Variants in ENPP6 observed in about 807,000 individuals in gnomAD.
ENPP6 encodes the protein glycerophosphocholine cholinephosphodiesterase ENPP6.
A neutral mutation model predicts 42.0 loss-of-function variants in ENPP6; 32 were observed. That is an observed-to-expected ratio of 0.76 (90% CI 0.58 to 1.02). The LOEUF (loss-of-function observed/expected upper bound fraction) is 1.02. Ranked by LOEUF, ENPP6 falls within the 50% of genes least tolerant of loss-of-function variation. The probability of loss-of-function intolerance (pLI) is 0.00; values close to 1 mark genes in which losing one functional copy is unlikely to be tolerated. For missense variants in ENPP6, 552 were observed against 566.8 expected, an observed-to-expected ratio of 0.97 and a Z score of 0.27; for synonymous variants, 213 against 216.0, an observed-to-expected ratio of 0.99 and a Z score of 0.12.
At chr4:184,210,403 A>C (rs1440489851) in intron 1 of ENPP6, among the ~76,000 whole-genome samples, 4 of 107,750 alleles carry the variant, frequency 3.7e-5, no homozygotes, top group African/African-American at 1.1e-4. Flanking sequence ...TCTACCAAGC[A>C]AATGGAAAAC....
At chr4:184,178,575 C>G (rs1383984584) in intron 1 of ENPP6, among the ~76,000 whole-genome samples, 1 of 152,160 alleles carries the variant, frequency 6.6e-6, no homozygotes, top group East Asian at 1.9e-4. Flanking sequence ...ACATAATCAT[C>G]AGATTCTTCA....
intron 2 of ENPP6, among the ~76,000 whole-genome samples, chr4:184,144,881 T>C (rs764139721): frequency 1.3e-4 from 20 of 152,254 alleles, no homozygotes; most frequent in Non-Finnish European, 2.1e-4. Flanking sequence ...CGTTCCTTTA[T>C]GTAAGGCACT....
At chr4:184,106,788 A>G (rs1736105046) in intron 6 of ENPP6, among the ~76,000 whole-genome samples, 1 of 151,778 alleles carries the variant, frequency 6.6e-6, no homozygotes, top group Non-Finnish European at 1.5e-5. Flanking sequence ...GGGGGCAAGG[A>G]CTCCCAGTGG....
At chr4:184,129,077 T>A (rs1334802115) in intron 2 of ENPP6, among the ~76,000 whole-genome samples, 1 of 152,224 alleles carries the variant, frequency 6.6e-6, no homozygotes, top group South Asian at 2.1e-4. Context: ...GGGATGCATT[T>A]TCATTTAGGT....
intron 1 of ENPP6, among the ~76,000 whole-genome samples, chr4:184,173,925 A>C (rs541372527): frequency 1.3e-5 from 2 of 152,276 alleles, no homozygotes; most frequent in African/African-American, 4.8e-5. Flanking sequence ...TGGGAGATCC[A>C]TCCCGGGGGG....
chr4:184,215,453 A>G (rs73009802), intron 1 of ENPP6, among the ~76,000 whole-genome samples: 1,708 of 152,278 alleles, frequency 0.011, 30 homozygotes, highest in African/African-American at 0.039. Context: ...GGTATTGGGG[A>G]AAATAGTCTA....
chr4:184,130,060 C>T (rs182958412), intron 2 of ENPP6, among the ~76,000 whole-genome samples: 1 of 152,288 alleles, frequency 6.6e-6, no homozygotes, highest in East Asian at 1.9e-4. Context: ...TTAGAAGTGG[C>T]ATTGAGATTG....
intron 1 of ENPP6, among the ~76,000 whole-genome samples, chr4:184,191,664 C>T (rs1732714043): frequency 6.6e-6 from 1 of 152,214 alleles, no homozygotes; most frequent in Non-Finnish European, 1.5e-5. Flanking sequence ...CTGTACATAA[C>T]TCCTAACGTG....
intron 2 of ENPP6, among the ~76,000 whole-genome samples, chr4:184,142,815 C>T (rs961183500): frequency 8.5e-5 from 13 of 152,200 alleles, no homozygotes; most frequent in South Asian, 4.1e-4. Flanking sequence ...GGCCAAAGGC[C>T]GCGCTTTCAT....
At chr4:184,196,291 C>G (rs1248888969) in intron 1 of ENPP6, among the ~76,000 whole-genome samples, 1 of 152,246 alleles carries the variant, frequency 6.6e-6, no homozygotes. Flanking sequence ...CCTGTTCTAT[C>G]CTGTACGACG....
intron 1 of ENPP6, among the ~76,000 whole-genome samples, chr4:184,215,039 T>C (rs370142631): frequency 5.6e-4 from 86 of 152,330 alleles, no homozygotes; most frequent in African/African-American, 2.0e-3. Context: ...TAGTTCTATG[T>C]CTGCATCCAG....
At chr4:184,134,308 A>C (rs10026323) in intron 2 of ENPP6, among the ~76,000 whole-genome samples, 1 of 152,124 alleles carries the variant, frequency 6.6e-6, no homozygotes, top group Non-Finnish European at 1.5e-5. Flanking sequence ...CTCTGGAAGA[A>C]TTTCTGTAAG....
intron 3 of ENPP6, among the ~76,000 whole-genome samples, chr4:184,118,627 T>C (rs567698236): frequency 6.6e-6 from 1 of 152,364 alleles, no homozygotes; most frequent in East Asian, 1.9e-4. Context: ...TGACATTTCA[T>C]TGACTCATTA....
chr4:184,173,706 T>A (rs568317149), intron 1 of ENPP6, among the ~76,000 whole-genome samples: 2 of 152,290 alleles, frequency 1.3e-5, no homozygotes, highest in South Asian at 2.1e-4. Context: ...GTTGAAAGGG[T>A]CTTAGAGATA....
chr4:184,090,569 T>G lies in ENPP6; in HGVS notation c.*608A>C. The stretch of plus-strand genomic sequence containing the variant: ...CTATGAGTTCTCCAATCCTTAGTGA[T>G]TTATTTATTTTTTGATTGATTGGTG... On this transcript the variant is annotated 3_prime_UTR_variant, in exon 8 of 8. Transcript: ENST00000296741. 1.3e-5 allele frequency: 2 copies of G among 155,394 alleles called. No homozygotes were observed. Among genetic ancestry groups the G allele is most frequent in the Non-Finnish European group, 1.4e-5 (1 of 70,314 alleles). 9.6% of individuals were successfully genotyped at this position (155,394 alleles called of 1,614,324 possible).
At chr4:184,185,018 A>AGG (rs1186526315) in intron 1 of ENPP6, among the ~76,000 whole-genome samples, 5 of 152,258 alleles carry the variant, frequency 3.3e-5, no homozygotes, top group African/African-American at 1.2e-4. Flanking sequence ...CAACAGAGGT[A>AGG]GGACAATATT....
At chr4:184,161,597 C>A (rs564431581) in intron 1 of ENPP6, among the ~76,000 whole-genome samples, 1 of 152,188 alleles carries the variant, frequency 6.6e-6, no homozygotes, top group East Asian at 1.9e-4. Flanking sequence ...TATAGCAGCA[C>A]AATTCATAAT....
At chr4:184,139,287 T>A (rs555724484) in intron 2 of ENPP6, among the ~76,000 whole-genome samples, 1 of 152,178 alleles carries the variant, frequency 6.6e-6, no homozygotes, top group East Asian at 1.9e-4. Context: ...CAGTTTCAGA[T>A]TTAGCAAAGT....
At chr4:184,155,028 C>T (rs1421427425) in intron 1 of ENPP6, among the ~76,000 whole-genome samples, 2 of 152,112 alleles carry the variant, frequency 1.3e-5, no homozygotes. Flanking sequence ...TAATTTAATA[C>T]TCAACAGAGG....
Sources: allele counts gnomAD v4.1 joint callset (sites outside exome capture counted in the v4.1 genomes callset), GRCh38; gene constraint gnomAD v4.1.1; transcripts MANE v1.5; gene names NCBI Gene and HGNC (gene_info 2026-07-23, HGNC 2026-07-21).